Variants in VIT observed in about 807,000 individuals in gnomAD.
VIT encodes the protein vitrin.
Under a neutral mutation model 78.0 loss-of-function variants are expected in VIT, and 99 were observed. That is an observed-to-expected ratio of 1.27 (90% CI 1.08 to 1.50). The LOEUF is 1.50. VIT is among the 40% of genes most tolerant of loss of function. VIT has a pLI of 0.00. For synonymous variants in VIT, 374 were observed against 334.3 expected, an observed-to-expected ratio of 1.12 and a Z score of -1.29; for missense variants, 1,126 against 875.3, an observed-to-expected ratio of 1.29 and a Z score of -3.61.
At chr2:36,783,428 C>T in intron 11 of VIT, 26 bp downstream of exon 11, 1 of 1,612,700 alleles carries the variant, frequency 6.2e-7, no homozygotes, top group South Asian at 1.1e-5. Flanking sequence ...ACTAGAAACC[C>T]ACGGTGTCTT....
intron 2 of VIT, among the ~76,000 whole-genome samples, chr2:36,718,134 C>T (rs1390712724): frequency 6.6e-6 from 1 of 152,156 alleles, no homozygotes; most frequent in African/African-American, 2.4e-5. Flanking sequence ...CCTAACTTAA[C>T]ATTATATCTG....
At chr2:36,774,948 G>A (rs868660313) in intron 8 of VIT, 54 bp from the exon 9 acceptor site, 6 of 1,598,226 alleles carry the variant, frequency 3.8e-6, no homozygotes, top group Non-Finnish European at 5.1e-6. Context: ...AATAAGGAAA[G>A]AAAGCAGCCT....
chr2:36,750,550 C>T (rs1017887856), intron 4 of VIT, among the ~76,000 whole-genome samples: 2 of 152,120 alleles, frequency 1.3e-5, no homozygotes, highest in South Asian at 2.1e-4. Context: ...TCACTAGGTG[C>T]GGTGGCTCAC....
chr2:36,744,475 A>G (rs1002339858), intron 4 of VIT, among the ~76,000 whole-genome samples: 1 of 152,144 alleles, frequency 6.6e-6, no homozygotes, highest in Non-Finnish European at 1.5e-5. Flanking sequence ...TCTGCAGCCC[A>G]CCAACATCTA....
chr2:36,788,120 G>C, intron 12 of VIT: 1 of 255,002 alleles, frequency 3.9e-6, no homozygotes, highest in South Asian at 3.8e-5. Flanking sequence ...GAATCATTGA[G>C]GGCAGGATGG....
At chr2:36,735,102 A>G (rs1667434072) in intron 3 of VIT, among the ~76,000 whole-genome samples, 1 of 152,164 alleles carries the variant, frequency 6.6e-6, no homozygotes, top group African/African-American at 2.4e-5. Context: ...CAGAGGTTGC[A>G]GTGAGCCAAG....
intron 9 of VIT, 79 bp from the exon 10 acceptor site, chr2:36,781,648 C>T: frequency 6.6e-7 from 1 of 1,524,850 alleles, no homozygotes; most frequent in Admixed American, 1.7e-5. Context: ...GAAACCTTAT[C>T]ATCCCGGCAA....
chr2:36,719,434 A>G (rs1185492046), intron 2 of VIT, among the ~76,000 whole-genome samples: 1 of 152,218 alleles, frequency 6.6e-6, no homozygotes, highest in Non-Finnish European at 1.5e-5. Flanking sequence ...AGAAAGCCCT[A>G]AAGACTCCAC....
At chr2:36,770,679 C>T (rs1669692231) in intron 7 of VIT, among the ~76,000 whole-genome samples, 1 of 152,170 alleles carries the variant, frequency 6.6e-6, no homozygotes, top group Non-Finnish European at 1.5e-5. Flanking sequence ...TATAGATATG[C>T]TTAGGAAAGA....
chr2:36,732,950 T>C (rs978784366), intron 3 of VIT, among the ~76,000 whole-genome samples: 2 of 151,530 alleles, frequency 1.3e-5, no homozygotes, highest in Admixed American at 6.6e-5. Context: ...GCCTGAAGGG[T>C]AGAAAAAGCT....
intron 6 of VIT, 122 bp from the exon 7 acceptor site, chr2:36,766,972 C>T (rs777870436): frequency 8.5e-5 from 98 of 1,153,966 alleles, no homozygotes; most frequent in Non-Finnish European, 1.1e-4. Context: ...TTTCACCCTT[C>T]ACCGTGGCTA....
chr2:36,780,850 G>C (rs917579788), intron 9 of VIT, among the ~76,000 whole-genome samples: 1 of 152,084 alleles, frequency 6.6e-6, no homozygotes, highest in Non-Finnish European at 1.5e-5. Context: ...ATGGAAAAGA[G>C]AGGAAAGGAG....
chr2:36,725,653 T>C (rs992821335), intron 2 of VIT, among the ~76,000 whole-genome samples: 4 of 151,790 alleles, frequency 2.6e-5, no homozygotes, highest in Non-Finnish European at 5.9e-5. Context: ...TGAATAATCA[T>C]AAGATAAATA....
Position 36,783,408 on chromosome 2 carries a change from T to A in VIT, c.910+6T>A. The A allele has an allele frequency of 2.5e-6, 4 of 1,614,058 alleles. No individual in the cohort carries two copies. Among genetic ancestry groups the A allele is most frequent in the Non-Finnish European group, 3.4e-6 (4 of 1,179,934 alleles). On this transcript the variant is annotated splice_donor_region_variant and intron_variant, in intron 11 of 15. Transcript: ENST00000379242. ...AGTATCCCTGGGAGATCCAAGTAAG[T>A]TAATTGACAACTAGAAACCCACGGT...
chr2:36,813,459 A>C (rs1437912712), intron 15 of VIT, among the ~76,000 whole-genome samples: 3 of 152,090 alleles, frequency 2.0e-5, no homozygotes, highest in Admixed American at 6.5e-5. Flanking sequence ...AAACAAACAA[A>C]CAAAAACCCA....
At chr2:36,774,646 G>C (rs1161695133) in intron 8 of VIT, 1 of 985,314 alleles carries the variant, frequency 1.0e-6, no homozygotes, top group Admixed American at 6.1e-5. Flanking sequence ...TGGTCAGGGC[G>C]AGCAGCTTCT....
At chr2:36,705,829 C>A (rs1297484056) in intron 1 of VIT, among the ~76,000 whole-genome samples, 1 of 152,182 alleles carries the variant, frequency 6.6e-6, no homozygotes, top group African/African-American at 2.4e-5. Context: ...TCAGCCCTGG[C>A]GCTATTGGCC....
At chr2:36,768,103 G>A (rs990665121) in intron 7 of VIT, among the ~76,000 whole-genome samples, 2 of 152,170 alleles carry the variant, frequency 1.3e-5, no homozygotes, top group Non-Finnish European at 2.9e-5. Flanking sequence ...CCATAGCAGA[G>A]GCCAGCTACC....
intron 15 of VIT, among the ~76,000 whole-genome samples, chr2:36,810,960 T>A (rs894297370): frequency 6.6e-6 from 1 of 152,200 alleles, no homozygotes; most frequent in Non-Finnish European, 1.5e-5. Flanking sequence ...ATTTCAGTTA[T>A]TTGGCAGGAT....
Sources: gnomAD v4.1 joint callset for allele counts (sites outside exome capture counted in the v4.1 genomes callset) on GRCh38, gnomAD v4.1.1 for gene constraint, MANE v1.5 for transcripts, NCBI Gene and HGNC (gene_info 2026-07-23, HGNC 2026-07-21) for gene names.